The following TARDBP variants were observed in gnomAD, a reference collection of about 807,000 sequenced individuals.
The protein encoded by TARDBP is TAR DNA-binding protein 43.
TARDBP carries 4 observed loss-of-function variants against 38.3 expected under a neutral mutation model. The ratio of observed to expected loss-of-function variants is 0.10; its 90% confidence interval spans 0.05 to 0.24. The LOEUF (loss-of-function observed/expected upper bound fraction) is 0.24. TARDBP is among the 10% of genes least tolerant of loss of function. The probability of loss-of-function intolerance (pLI) is 1.00; values close to 1 mark genes in which losing one functional copy is unlikely to be tolerated. For missense variants in TARDBP, 202 were observed against 521.9 expected (o/e 0.39, Z 5.97); for synonymous variants, 184 against 183.8 (o/e 1.00, Z -0.01).
chr1:11,018,687 TGTGA>T (rs1643577660), intron 3 of TARDBP, 42 bp from the exon 4 acceptor site: 1 of 1,613,802 alleles, frequency 6.2e-7, no homozygotes. Flanking sequence ...GAATGGAGTG[TGTGA>T]GTATGTGCAC....
downstream of TARDBP, chr1:11,030,353 G>T: frequency 1.3e-6 from 1 of 754,844 alleles, no homozygotes. Context: ...AGCATCAGTG[G>T]GACATAGAGG....
downstream of TARDBP, chr1:11,030,122 A>C (rs907791760): frequency 2.7e-5 from 36 of 1,333,446 alleles, no homozygotes; most frequent in Non-Finnish European, 3.9e-5. Context: ...ACTGTCTCCT[A>C]CCCAGTCCTC....
chr1:11,019,783 G>C (rs1643599633), intron 4 of TARDBP, among the ~76,000 whole-genome samples: 1 of 151,842 alleles, frequency 6.6e-6, no homozygotes, highest in African/African-American at 2.4e-5. Context: ...AGCCAGGATG[G>C]TCTTGATCTC....
downstream of TARDBP, among the ~76,000 whole-genome samples, chr1:11,028,836 C>T (rs569934989): frequency 1.3e-5 from 2 of 151,248 alleles, no homozygotes; most frequent in East Asian, 3.9e-4. Flanking sequence ...GCCTCAGCCT[C>T]CTGAGTAGCT....
intron 1 of TARDBP, among the ~76,000 whole-genome samples, chr1:11,013,008 C>T (rs1312641996): frequency 5.3e-5 from 8 of 152,248 alleles, no homozygotes; most frequent in African/African-American, 1.2e-4. Context: ...GTGCCGGAGC[C>T]TTCGGTACTT....
chr1:11,025,665 A>C (rs1256618362), downstream of TARDBP: 1 of 152,246 alleles, frequency 6.6e-6, no homozygotes, highest in Non-Finnish European at 1.5e-5. Context: ...CAAGACTCAC[A>C]GTAAGCTTTT....
At chr1:11,013,074 GCCGCGC>G (rs1210073426) in intron 1 of TARDBP, among the ~76,000 whole-genome samples, 6 of 152,342 alleles carry the variant, frequency 3.9e-5, no homozygotes, top group African/African-American at 1.4e-4. Flanking sequence ...CCCACCCCGG[GCCGCGC>G]CGAGAAACTC....
At chr1:11,027,065 G>A (rs1263745655), downstream of TARDBP, 37 of 1,593,936 alleles carry the variant, frequency 2.3e-5, no homozygotes, top group Non-Finnish European at 2.7e-5. Context: ...CTCTGCAGCT[G>A]TCCTTGCCCC....
downstream of TARDBP, chr1:11,030,348 CA>C: frequency 1.2e-6 from 1 of 822,876 alleles, no homozygotes; most frequent in Non-Finnish European, 2.0e-6. Flanking sequence ...TCTTGAGCAT[CA>C]GTGGGACATA....
At chr1:11,028,329 T>C (rs1643775086), downstream of TARDBP, among the ~76,000 whole-genome samples, 1 of 152,188 alleles carries the variant, frequency 6.6e-6, no homozygotes, top group Admixed American at 6.5e-5. Flanking sequence ...ATTGTTTCTG[T>C]TTTCCTACTT....
At position 11,016,969 on chromosome 1, in the gene TARDBP, G is replaced by A; in HGVS notation, c.364G>A (p.Glu122Lys). The change falls in exon 3 of 6, where the codon GAG becomes AAG. Residue 122 changes from glutamate (E) to lysine (K), a missense_variant. Transcript: ENST00000240185. ...GAAAACAACCGAACAGGACCTGAAAGAGTATTTTAGTACCTTTGGAGAAGT... is the reference window on the plus strand; with the variant it reads ...GAAAACAACCGAACAGGACCTGAAAAAGTATTTTAGTACCTTTGGAGAAGT... Reference protein sequence around the residue: ...PWKTTEQDLKEYFSTFGEVLM... With the variant: ...PWKTTEQDLKKYFSTFGEVLM... 1 of 1,614,222 alleles carries A rather than the reference G, an allele frequency of 6.2e-7. No homozygotes were observed. The highest frequency in any genetic ancestry group is 8.5e-7 in the Non-Finnish European group (1 of 1,180,040).
chr1:11,019,984 C>A lies in TARDBP; in HGVS notation c.544-445C>A, dbSNP rs185179727. Among the ~76,000 whole-genome samples, 404 of 152,060 alleles carry A rather than the reference C, an allele frequency of 2.7e-3. 1 individual carries two copies. The highest frequency in any genetic ancestry group is 4.1e-3 in the Non-Finnish European group (279 of 68,002). On this transcript the variant is annotated intron_variant, in intron 4 of 5. Transcript: ENST00000240185. ...GTTCAAGTGATTCTCCTACCTCAGC[C>A]TCCCAAGATGCTGGGATTACAGGTG...
chr1:11,029,125 T>C (rs962487315), downstream of TARDBP, among the ~76,000 whole-genome samples: 2 of 150,754 alleles, frequency 1.3e-5, no homozygotes, highest in Admixed American at 1.3e-4. Context: ...CCCGAGTAGC[T>C]GGGACTACAG....
chr1:11,022,339 G>A lies in TARDBP; in HGVS notation c.930G>A (p.Gly310=), dbSNP rs552576600. Residue 310 remains glycine (G), a synonymous_variant, in exon 6 of 6, where the codon GGG becomes GGA. Transcript: ENST00000240185. This position sits in a 1 kb window ranked among gnomAD's most constrained non-coding sequence, Gnocchi z 4.5. ...ATCAAGGTAGTAATATGGGTGGTGG[G>A]ATGAACTTTGGTGCGTTCAGCATTA... ...GNNQGSNMGG[G]MNFGAFSINP... 5.6e-6 allele frequency: 9 copies of A among 1,613,954 alleles called. No individual in the cohort carries two copies. The highest frequency in any genetic ancestry group is 1.7e-5 in the Admixed American group (1 of 60,012).
chr1:11,013,681 T>C (rs758092840), intron 1 of TARDBP, 35 bp from the exon 2 acceptor site: 2 of 1,496,356 alleles, frequency 1.3e-6, no homozygotes, highest in Non-Finnish European at 1.8e-6. Context: ...TATTCTGACA[T>C]GAATGTTGTT....
downstream of TARDBP, chr1:11,030,224 A>G (rs1643820688): frequency 3.7e-6 from 6 of 1,613,806 alleles, no homozygotes; most frequent in Non-Finnish European, 5.1e-6. Flanking sequence ...CTCGTCCAGA[A>G]TCCATCAGCC....
chr1:11,030,433 T>TG, downstream of TARDBP: 1 of 594,510 alleles, frequency 1.7e-6, no homozygotes, highest in South Asian at 2.1e-5. Flanking sequence ...GCTTGCAAAG[T>TG]GGAAACCTTT....
chr1:11,030,154 C>T (rs755027190), downstream of TARDBP: 22 of 1,573,314 alleles, frequency 1.4e-5, no homozygotes, highest in East Asian at 2.0e-4. Flanking sequence ...TTACCAGTCT[C>T]TTGTATAAAT....
downstream of TARDBP, chr1:11,029,636 T>TTTC (rs1643808253): frequency 8.1e-6 from 1 of 122,954 alleles, no homozygotes. Flanking sequence ...TTTAAAATCT[T>TTTC]TTTTTTTTTT....
Sources: allele counts gnomAD v4.1 joint callset (sites outside exome capture counted in the v4.1 genomes callset), GRCh38; gene constraint gnomAD v4.1.1; non-coding constraint Gnocchi (gnomAD v3.1); transcripts MANE v1.5; gene names NCBI Gene and HGNC (gene_info 2026-07-23, HGNC 2026-07-21).